The following GPR158 variants were observed in gnomAD, a reference collection of about 807,000 sequenced individuals.
GPR158 encodes the protein G protein-coupled receptor 158.
GPR158 carries 30 observed loss-of-function variants against 78.2 expected under a neutral mutation model. The ratio of observed to expected loss-of-function variants is 0.38; its 90% confidence interval spans 0.29 to 0.52. The LOEUF (loss-of-function observed/expected upper bound fraction) is 0.52. Among genes scored for constraint, GPR158 ranks in the 20% least tolerant of loss-of-function variants. The pLI is 0.83. For synonymous variants in GPR158, 581 were observed against 591.1 expected (o/e 0.98, Z 0.25); for missense variants, 1,463 against 1,523.5 (o/e 0.96, Z 0.66).
At chr10:25,422,913 CT>C (rs1034956386) in intron 4 of GPR158, among the ~76,000 whole-genome samples, 1 of 141,072 alleles carries the variant, frequency 7.1e-6, no homozygotes, top group Non-Finnish European at 1.5e-5. Flanking sequence ...CCTTTGCGTC[CT>C]CATAGCTCAG....
At chr10:25,246,784 A>T (rs1226772993) in intron 2 of GPR158, among the ~76,000 whole-genome samples, 1 of 152,214 alleles carries the variant, frequency 6.6e-6, no homozygotes, top group Non-Finnish European at 1.5e-5. Flanking sequence ...TGCTTTATGC[A>T]GCTGATTGAT....
intron 5 of GPR158, among the ~76,000 whole-genome samples, chr10:25,484,159 AC>A (rs1264895224): frequency 6.6e-6 from 1 of 152,114 alleles, no homozygotes; most frequent in African/African-American, 2.4e-5. Flanking sequence ...TCCCTCTGCC[AC>A]GGCAATTCTG....
chr10:25,472,535 T>A (rs1469558511), intron 5 of GPR158, among the ~76,000 whole-genome samples: 2 of 152,202 alleles, frequency 1.3e-5, no homozygotes, highest in Non-Finnish European at 2.9e-5. Context: ...TGGCATTGAA[T>A]CTATAATTTG....
Position 25,294,782 on chromosome 10 carries a change from A to AT in GPR158, c.1008+73627dup, listed in dbSNP as rs751645862. 2.4e-4 allele frequency among the ~76,000 whole-genome samples: 22 copies of AT among 90,254 alleles called. 1 individual carries two copies. The South Asian group carries it at 4.4e-3, about 18-fold the overall frequency. 59.2% of individuals were successfully genotyped at this position (90,254 alleles called of 152,430 possible). A position where few individuals can be genotyped will look rare whatever the true frequency, so the allele number is the denominator to read the frequency against. On this transcript the variant is annotated intron_variant, in intron 2 of 10. Coordinates refer to ENST00000376351, the MANE Select transcript of GPR158 (RefSeq NM_020752.3). ...CCTAAGAGCATGGAAGCTCTTAGGC[A>AT]TTGATACTCTGTTTGCCTTTTAAAA...
At chr10:25,356,363 G>A (rs1197410832) in intron 2 of GPR158, among the ~76,000 whole-genome samples, 2 of 151,944 alleles carry the variant, frequency 1.3e-5, no homozygotes, top group African/African-American at 4.8e-5. Context: ...TTTCTACACT[G>A]CCATTTTGGA....
At chr10:25,472,065 A>AGG (rs1835514020) in intron 5 of GPR158, among the ~76,000 whole-genome samples, 1 of 152,100 alleles carries the variant, frequency 6.6e-6, no homozygotes, top group Non-Finnish European at 1.5e-5. Context: ...GGTATTGCCT[A>AGG]GGTTTTCTTC....
chr10:25,296,979 G>T (rs1313293995), intron 2 of GPR158, among the ~76,000 whole-genome samples: 2 of 152,150 alleles, frequency 1.3e-5, no homozygotes, highest in Non-Finnish European at 2.9e-5. Flanking sequence ...TAATGAAATG[G>T]GAGTTCAGTA....
chr10:25,240,702 T>C (rs1397570276), intron 2 of GPR158, among the ~76,000 whole-genome samples: 2 of 152,236 alleles, frequency 1.3e-5, no homozygotes, highest in East Asian at 3.8e-4. Context: ...TACTTTGTGT[T>C]GGATTCTTAT....
intron 2 of GPR158, among the ~76,000 whole-genome samples, chr10:25,241,490 G>A (rs911124361): frequency 4.1e-5 from 6 of 147,644 alleles, no homozygotes; most frequent in East Asian, 4.0e-4. Context: ...GTGTGATCTC[G>A]GCTCACTGCA....
intron 5 of GPR158, among the ~76,000 whole-genome samples, chr10:25,484,963 A>G (rs905045514): frequency 1.3e-5 from 2 of 152,144 alleles, no homozygotes; most frequent in African/African-American, 2.4e-5. Context: ...GTCTCTGGGA[A>G]ACGTGCTCAG....
intron 2 of GPR158, among the ~76,000 whole-genome samples, chr10:25,267,685 A>G (rs536764820): frequency 6.6e-6 from 1 of 152,298 alleles, no homozygotes; most frequent in Non-Finnish European, 1.5e-5. Context: ...TAATTTGACA[A>G]GATTCTTTGT....
chr10:25,387,161 A>C (rs1576319), intron 2 of GPR158, among the ~76,000 whole-genome samples: 123,817 of 152,052 alleles, frequency 0.81, 51,437 homozygotes, highest in Non-Finnish European at 0.87. Flanking sequence ...TATTTTTAGT[A>C]TGTTGGGTGT....
chr10:25,586,171 G>A (rs572258378), intron 7 of GPR158, among the ~76,000 whole-genome samples: 1 of 152,222 alleles, frequency 6.6e-6, no homozygotes, highest in East Asian at 1.9e-4. Context: ...GAGCATTTCT[G>A]AATGAAGACA....
intron 2 of GPR158, among the ~76,000 whole-genome samples, chr10:25,322,120 C>T (rs1448499458): frequency 1.3e-5 from 2 of 152,100 alleles, no homozygotes; most frequent in Non-Finnish European, 2.9e-5. Flanking sequence ...CGGTGGCTCA[C>T]GCCTGTAATC....
At chr10:25,432,887 C>T (rs1378459904) in intron 4 of GPR158, among the ~76,000 whole-genome samples, 1 of 152,106 alleles carries the variant, frequency 6.6e-6, no homozygotes, top group East Asian at 1.9e-4. Context: ...TAAGGAGTTT[C>T]TGTTCCAGTG....
chr10:25,405,616 T>C (rs1834504854), intron 3 of GPR158, among the ~76,000 whole-genome samples: 1 of 150,552 alleles, frequency 6.6e-6, no homozygotes, highest in Non-Finnish European at 1.5e-5. Context: ...GGTAGTTTGA[T>C]TAGCCCAGAT....
chr10:25,564,776 CTT>C (rs1491571603), intron 6 of GPR158, among the ~76,000 whole-genome samples: 1 of 152,130 alleles, frequency 6.6e-6, no homozygotes, highest in African/African-American at 2.4e-5. Context: ...TTTTTTCTCT[CTT>C]AAGTATCCCC....
intron 2 of GPR158, among the ~76,000 whole-genome samples, chr10:25,382,340 T>A (rs907570874): frequency 2.0e-5 from 3 of 152,340 alleles, no homozygotes; most frequent in Admixed American, 6.5e-5. Context: ...CTGAACCAGA[T>A]GCTGTGTTGC....
intron 4 of GPR158, among the ~76,000 whole-genome samples, chr10:25,454,331 C>T (rs150478032): frequency 8.8e-4 from 48 of 54,488 alleles, no homozygotes; most frequent in East Asian, 3.0e-3. Context: ...CTTCCAAGTC[C>T]GACCCGGAGG....
Sources: gnomAD v4.1 joint callset for allele counts (sites outside exome capture counted in the v4.1 genomes callset) on GRCh38, gnomAD v4.1.1 for gene constraint, MANE v1.5 for transcripts, NCBI Gene and HGNC (gene_info 2026-07-23, HGNC 2026-07-21) for gene names.